Variants in ITSN1 observed in about 807,000 individuals in gnomAD.
The protein encoded by ITSN1 is intersectin-1.
A neutral mutation model predicts 239.8 loss-of-function variants in ITSN1; 58 were observed. The ratio of observed to expected loss-of-function variants is 0.24; its 90% CI spans 0.20 to 0.30. ITSN1 has a LOEUF of 0.30. Among genes scored for constraint, ITSN1 ranks in the 10% least tolerant of loss-of-function variants. ITSN1 has a pLI of 1.00. For synonymous variants in ITSN1, 780 were observed against 770.8 expected (o/e 1.01, Z -0.20); for missense variants, 1,558 against 2,103.3 (o/e 0.74, Z 5.07).
chr21:33,838,489 A>G lies in ITSN1; in HGVS notation c.3661+1857A>G, dbSNP rs913711442. 11 of 978,628 alleles carry G rather than the reference A, an allele frequency of 1.1e-5. No individual in the cohort carries two copies. In the African/African-American group the frequency reaches 1.8e-4, roughly 16 times the overall value. The allele number at this position is 978,628 out of a possible 1,614,324, so 60.6% of individuals were successfully genotyped here. ...GTGTATAGATAATTAAATTCTTCAT[A>G]CAAAAGTTAGATGGAAATGTCTCTG... On this transcript the variant is annotated intron_variant, in intron 29 of 39. Coordinates refer to ENST00000381318, the MANE Select transcript of ITSN1 (RefSeq NM_003024.3).
chr21:33,799,675 C>T, intron 18 of ITSN1, 133 bp from the exon 19 acceptor site: 4 of 967,664 alleles, frequency 4.1e-6, no homozygotes, highest in Non-Finnish European at 6.0e-6. Context: ...TTCAGAAATT[C>T]CTTGAATGGA....
intron 1 of ITSN1, among the ~76,000 whole-genome samples, chr21:33,681,299 A>G (rs944106926): frequency 6.6e-6 from 1 of 152,240 alleles, no homozygotes; most frequent in Non-Finnish European, 1.5e-5. Flanking sequence ...CCTGTAGCCT[A>G]TGGTATCAAG....
At chr21:33,783,654 C>T (rs1273115946) in intron 16 of ITSN1, among the ~76,000 whole-genome samples, 2 of 149,084 alleles carry the variant, frequency 1.3e-5, no homozygotes, top group Non-Finnish European at 3.0e-5. Context: ...AAAGTATGCT[C>T]ACATTAACTT....
At chr21:33,737,929 T>C (rs2147288831) in intron 5 of ITSN1, among the ~76,000 whole-genome samples, 1 of 152,246 alleles carries the variant, frequency 6.6e-6, no homozygotes, top group East Asian at 1.9e-4. Context: ...ATACCTGTAA[T>C]CTCAGCACTT....
chr21:33,809,639 G>A (rs2072745702), intron 20 of ITSN1, among the ~76,000 whole-genome samples: 1 of 152,080 alleles, frequency 6.6e-6, no homozygotes, highest in Admixed American at 6.6e-5. Flanking sequence ...CAAAATCATT[G>A]TTAAGACCCT....
chr21:33,808,613 G>C (rs1449037573), intron 20 of ITSN1, among the ~76,000 whole-genome samples: 1 of 151,478 alleles, frequency 6.6e-6, no homozygotes, highest in East Asian at 1.9e-4. Context: ...AACACTTTTA[G>C]TATGCCAGGC....
Position 33,755,284 on chromosome 21 carries a change from C to T in ITSN1, c.624-13C>T. The T allele has an allele frequency of 1.3e-6, 2 of 1,534,980 alleles. No homozygotes were observed. The highest frequency in any genetic ancestry group is 1.9e-5 in the Admixed American group (1 of 53,418). On this transcript the variant is annotated splice_polypyrimidine_tract_variant and intron_variant, in intron 7 of 39. Coordinates refer to ENST00000381318, the MANE Select transcript of ITSN1 (RefSeq NM_003024.3). ...GGATAATCCTCTTTCTCTCCTTTTT[C>T]TTTTCCCCACAGTGTCCCACCAGTG...
At chr21:33,760,059 G>A (rs999875728) in intron 8 of ITSN1, among the ~76,000 whole-genome samples, 5 of 151,310 alleles carry the variant, frequency 3.3e-5, no homozygotes, top group East Asian at 1.9e-4. Flanking sequence ...CCAAGATGGC[G>A]CCACTGCACT....
rs770805091 is a variant in ITSN1, at chr21:33,781,642, G to A, written c.1684+94G>A. The A allele has an allele frequency of 4.1e-5, 29 of 712,950 alleles. No homozygotes were observed. In the Admixed American group the frequency reaches 4.5e-4, roughly 11 times the overall value. 44.2% of individuals were successfully genotyped at this position (712,950 alleles called of 1,614,324 possible). A position where few individuals can be genotyped will look rare whatever the true frequency, so the allele number is the denominator to read the frequency against. Reference sequence around the variant, plus strand: ...GTCCCCCAGGCTGGAGTGCAGTGGCGCAATCTCGGCCAACTGTAACCTCCG... The same window carrying A: ...GTCCCCCAGGCTGGAGTGCAGTGGCACAATCTCGGCCAACTGTAACCTCCG... On this transcript the variant is annotated intron_variant, in intron 15 of 39. Transcript: ENST00000381318.
chr21:33,697,152 G>A (rs1193401855), intron 1 of ITSN1, among the ~76,000 whole-genome samples: 12 of 149,782 alleles, frequency 8.0e-5, no homozygotes, highest in Admixed American at 6.7e-4. Flanking sequence ...GCGTGATCTC[G>A]GCTCACTGCA....
In ITSN1 at chr21:33,875,376, A is replaced by G. The variant is rs1983558806; in HGVS notation, c.4196A>G (p.Asn1399Ser). 6.5e-7 allele frequency: 1 copy of G among 1,528,842 alleles called. No homozygotes were observed. Among genetic ancestry groups the G allele is most frequent in the Non-Finnish European group, 8.8e-7 (1 of 1,138,710 alleles). 94.7% of individuals were successfully genotyped at this position (1,528,842 alleles called of 1,614,324 possible). A position where few individuals can be genotyped will look rare whatever the true frequency, so the allele number is the denominator to read the frequency against. ...TAGATCCTGGAAAACACCCCTGAAAACCACCCGGACCACAGCCACTTGAAG... is the reference window on the plus strand; with the variant it reads ...TAGATCCTGGAAAACACCCCTGAAAGCCACCCGGACCACAGCCACTTGAAG... ...IKNILENTPENHPDHSHLKHA... is the reference protein window; with the variant it reads ...IKNILENTPESHPDHSHLKHA... The change falls in exon 34 of 40, where the codon AAC (asparagine) becomes AGC (serine). Residue 1399 changes from asparagine (N) to serine (S), a missense_variant. Transcript: ENST00000381318.
chr21:33,769,897 T>C (rs1002582589), intron 11 of ITSN1, among the ~76,000 whole-genome samples: 1 of 151,330 alleles, frequency 6.6e-6, no homozygotes, highest in African/African-American at 2.4e-5. Flanking sequence ...GGTTTCACCA[T>C]GTTGGTCAGG....
intron 25 of ITSN1, among the ~76,000 whole-genome samples, chr21:33,824,628 T>C (rs1200874880): frequency 6.6e-6 from 1 of 152,200 alleles, no homozygotes; most frequent in African/African-American, 2.4e-5. Flanking sequence ...GGCTCTTACA[T>C]GTGCGGCTCC....
chr21:33,873,339 C>T (rs956035484), intron 33 of ITSN1, among the ~76,000 whole-genome samples: 17 of 152,230 alleles, frequency 1.1e-4, no homozygotes, highest in Non-Finnish European at 1.5e-5. Context: ...CGGCATTCTC[C>T]TGGTACACTT....
intron 29 of ITSN1, among the ~76,000 whole-genome samples, chr21:33,842,132 T>G (rs2074845002): frequency 6.6e-6 from 1 of 152,038 alleles, no homozygotes; most frequent in Non-Finnish European, 1.5e-5. Context: ...CCTGACCTTG[T>G]GATCCGCCTG....
chr21:33,799,789 C>A lies in ITSN1; in HGVS notation c.2183-19C>A, dbSNP rs771455815. On this transcript the variant is annotated intron_variant, in intron 18 of 39. Coordinates refer to ENST00000381318, the MANE Select transcript of ITSN1 (RefSeq NM_003024.3). Reference sequence around the variant, plus strand: ...TGTAATTATTTATTTTTGTCCCCCCCACCTTTTTTTGTAAACAGAAAAAGG... The same window carrying A: ...TGTAATTATTTATTTTTGTCCCCCCAACCTTTTTTTGTAAACAGAAAAAGG... 5.0e-6 allele frequency: 8 copies of A among 1,611,820 alleles called. No individual in the cohort carries two copies. The Admixed American group carries it at 1.3e-4, about 27-fold the overall frequency.
At chr21:33,793,974 C>G (rs2071343486) in intron 16 of ITSN1, among the ~76,000 whole-genome samples, 1 of 152,162 alleles carries the variant, frequency 6.6e-6, no homozygotes, top group East Asian at 1.9e-4. Context: ...GATTGATAAT[C>G]AAAAGAAGCT....
rs7279122 is a variant in ITSN1, at chr21:33,852,814, C to T, written c.3662-3922C>T. Among the ~76,000 whole-genome samples, 508 of 152,266 alleles carry T rather than the reference C, an allele frequency of 3.3e-3. 3 individuals carry two copies. The highest frequency in any genetic ancestry group is 0.012 in the African/African-American group (483 of 41,542). On this transcript the variant is annotated intron_variant, in intron 29 of 39. Transcript: ENST00000381318. ...AACCATTTGATGTGTTTTCTCCTCT[C>T]GTTTTTCCCTGGGAAAGGGGGCCAG...
At chr21:33,769,609 G>GT (rs2068970702) in intron 11 of ITSN1, among the ~76,000 whole-genome samples, 1 of 152,030 alleles carries the variant, frequency 6.6e-6, no homozygotes, top group Non-Finnish European at 1.5e-5. Flanking sequence ...GCAGCCTTCA[G>GT]TTTTTTTGCT....
Sources: allele counts gnomAD v4.1 joint callset (sites outside exome capture counted in the v4.1 genomes callset), GRCh38; gene constraint gnomAD v4.1.1; transcripts MANE v1.5; gene names NCBI Gene and HGNC (gene_info 2026-07-23, HGNC 2026-07-21).